C10orf105: variants seen among roughly 807,000 people sequenced by gnomAD.
C10orf105 encodes chromosome 10 open reading frame 105.
C10orf105 carries 2 observed loss-of-function variants against 0.6 expected under a neutral mutation model. The ratio of observed to expected loss-of-function variants is 3.18; its 90% confidence interval spans 1.30 to 10.01. The LOEUF (loss-of-function observed/expected upper bound fraction) is 10.01. Among genes scored for constraint, C10orf105 ranks in the 30% most tolerant of loss-of-function variants. The pLI is 0.04. For missense variants in C10orf105, 209 were observed against 191.4 expected (o/e 1.09, Z -0.54); for synonymous variants, 95 against 82.4 (o/e 1.15, Z -0.83).
chr10:71,712,760 A>G lies in C10orf105; in HGVS notation c.*3176T>C. 1 of 1,613,534 alleles carries G rather than the reference A, an allele frequency of 6.2e-7. No homozygotes were observed. The highest frequency in any genetic ancestry group is 8.5e-7 in the Non-Finnish European group (1 of 1,179,808). ...CAACCGGCCCATCTTTCTGCAGAGC[A>G]GCTATGAGGCCAGCGTCCCTGAGGA... On this transcript the variant is annotated 3_prime_UTR_variant, in exon 2 of 2. Transcript: ENST00000441508.
chr10:71,726,328 G>A (rs920891488), intron 1 of C10orf105, among the ~76,000 whole-genome samples: 3 of 152,098 alleles, frequency 2.0e-5, no homozygotes, highest in East Asian at 3.9e-4. Flanking sequence ...CTGAGTGCCC[G>A]GCTCCTCTTA....
intron 1 of C10orf105, chr10:71,732,294 C>A: frequency 6.2e-7 from 1 of 1,612,460 alleles, no homozygotes; most frequent in Non-Finnish European, 8.5e-7. Flanking sequence ...ACTCCATCGA[C>A]AACCTCAACC....
upstream of C10orf105, chr10:71,724,043 A>G: frequency 1.9e-6 from 3 of 1,557,760 alleles, no homozygotes; most frequent in Non-Finnish European, 2.6e-6. Context: ...ATTCTTCCTC[A>G]GCTGAAAGCC....
At chr10:71,734,960 G>A (rs574692540) in intron 1 of C10orf105, among the ~76,000 whole-genome samples, 1 of 152,346 alleles carries the variant, frequency 6.6e-6, no homozygotes, top group East Asian at 1.9e-4. Context: ...TCCACTCCTC[G>A]ATGGCTGTGT....
Position 71,713,290 on chromosome 10 carries a change from G to C in C10orf105, c.*2646C>G, listed in dbSNP as rs764860341. On this transcript the variant is annotated 3_prime_UTR_variant, in exon 2 of 2. Transcript: ENST00000441508. Reference sequence around the variant, plus strand: ...AGGGAGCAGGCGCAACAGCTCCAAGGCTCAGAGGGAGAGAAGGGAGGACCC... The same window carrying C: ...AGGGAGCAGGCGCAACAGCTCCAAGCCTCAGAGGGAGAGAAGGGAGGACCC... 4 of 779,290 alleles carry C rather than the reference G, an allele frequency of 5.1e-6. No homozygotes were observed. The highest frequency in any genetic ancestry group is 7.2e-6 in the Non-Finnish European group (3 of 417,898). 48.3% of individuals were successfully genotyped at this position (779,290 alleles called of 1,614,324 possible).
chr10:71,726,291 A>G (rs1866806598), intron 1 of C10orf105, among the ~76,000 whole-genome samples: 1 of 152,110 alleles, frequency 6.6e-6, no homozygotes, highest in Admixed American at 6.5e-5. Context: ...AGAGTCAGGC[A>G]GAGCAAGCAG....
intron 1 of C10orf105, chr10:71,731,930 C>A: frequency 1.3e-6 from 2 of 1,547,796 alleles, no homozygotes; most frequent in South Asian, 1.2e-5. Context: ...TGAGAAGCCA[C>A]AGCGCAGCCC....
In C10orf105 at chr10:71,730,614, G is replaced by T; in HGVS notation, c.-6+7114C>A. ...ACAGACCGAGACTCTGGTGAGGCTG[G>T]CAGGAGGAAGCCGGGGATCCCATTG... On this transcript the variant is annotated intron_variant, in intron 1 of 1. Transcript: ENST00000398786. The T allele has an allele frequency of 6.2e-7, 1 of 1,613,546 alleles. No individual in the cohort carries two copies. Among genetic ancestry groups the T allele is most frequent in the Non-Finnish European group, 8.5e-7 (1 of 1,179,878 alleles).
rs1329237748 is a variant in C10orf105 at position 71,712,559 on chromosome 10, G to A, written c.*3377C>T. The A allele has an allele frequency of 9.8e-6, 13 of 1,326,144 alleles. No individual in the cohort carries two copies. The highest frequency in any genetic ancestry group is 4.9e-5 in the East Asian group (2 of 40,704). 82.1% of individuals were successfully genotyped at this position (1,326,144 alleles called of 1,614,324 possible). On this transcript the variant is annotated 3_prime_UTR_variant, in exon 2 of 2. Transcript: ENST00000441508. ...TTGCAAAGGCTAGGGCAGATGGGGC[G>A]GAACAGGGCACCTCTCTGGCCGGTG...
At chr10:71,729,131 G>A (rs2132815350) in intron 1 of C10orf105, among the ~76,000 whole-genome samples, 1 of 152,204 alleles carries the variant, frequency 6.6e-6, no homozygotes, top group African/African-American at 2.4e-5. Flanking sequence ...CACCATGCCT[G>A]GCCTCCATAA....
At chr10:71,733,127 A>G (rs1204721211) in intron 1 of C10orf105, among the ~76,000 whole-genome samples, 2 of 152,222 alleles carry the variant, frequency 1.3e-5, no homozygotes, top group Non-Finnish European at 2.9e-5. Context: ...AATTTGCTAG[A>G]GCAGCTTGCA....
rs1325874577 is a variant in C10orf105 at position 71,731,016 on chromosome 10, C to G, written c.-6+6712G>C. On this transcript the variant is annotated intron_variant, in intron 1 of 1. Coordinates refer to the C10orf105 transcript ENST00000398786. Reference sequence around the variant, plus strand: ...CAGGACCAGCTCAGGGCCTAGCACACGCAGACCCCCTGACCCTGTACAAGG... The same window carrying G: ...CAGGACCAGCTCAGGGCCTAGCACAGGCAGACCCCCTGACCCTGTACAAGG... Among the ~76,000 whole-genome samples the G allele has an allele frequency of 2.0e-5, 3 of 152,236 alleles. No individual in the cohort carries two copies. The East Asian group carries it at 5.8e-4, about 29-fold the overall frequency.
chr10:71,724,112 G>A, upstream of C10orf105: 2 of 1,555,618 alleles, frequency 1.3e-6, no homozygotes, highest in Non-Finnish European at 1.7e-6. Flanking sequence ...CATGGTAAGT[G>A]GGGCTGCCCT....
chr10:71,731,081 G>A (rs940362082), intron 1 of C10orf105, among the ~76,000 whole-genome samples: 1 of 152,234 alleles, frequency 6.6e-6, no homozygotes, highest in African/African-American at 2.4e-5. Context: ...TAGCCTGAAG[G>A]CAGCCTGAAC....
intron 1 of C10orf105, among the ~76,000 whole-genome samples, chr10:71,729,054 C>T (rs1445230634): frequency 1.3e-5 from 2 of 152,042 alleles, no homozygotes; most frequent in African/African-American, 2.4e-5. Context: ...AGGCTGGTCT[C>T]GAATGCCTGG....
chr10:71,712,883 C>T lies in C10orf105; in HGVS notation c.*3053G>A, dbSNP rs1564749532. 12 of 1,548,316 alleles carry T rather than the reference C, an allele frequency of 7.8e-6. No homozygotes were observed. The Admixed American group carries it at 9.3e-5, about 12-fold the overall frequency. Reference sequence around the variant, plus strand: ...GCGGAGCCACACACGGCCCTGAGGGCACATGCTCAGTGGCACCAGAGGCGG... The same window carrying T: ...GCGGAGCCACACACGGCCCTGAGGGTACATGCTCAGTGGCACCAGAGGCGG... On this transcript the variant is annotated 3_prime_UTR_variant, in exon 2 of 2. Coordinates refer to ENST00000441508, the MANE Select transcript of C10orf105 (RefSeq NM_001164375.3).
At position 71,712,760 on chromosome 10, in the gene C10orf105, A is replaced by C. The variant is rs1401389112; in HGVS notation, c.*3176T>G. ...CAACCGGCCCATCTTTCTGCAGAGC[A>C]GCTATGAGGCCAGCGTCCCTGAGGA... On this transcript the variant is annotated 3_prime_UTR_variant, in exon 2 of 2. Coordinates refer to ENST00000441508, the MANE Select transcript of C10orf105 (RefSeq NM_001164375.3). 1.9e-6 allele frequency: 3 copies of C among 1,613,534 alleles called. 1 individual carries two copies. In the South Asian group the frequency reaches 3.3e-5, roughly 18 times the overall value.
rs1164044418 is a variant in C10orf105 at position 71,715,978 on chromosome 10, G to A, written c.360C>T (p.Asp120=). 1.3e-5 allele frequency: 19 copies of A among 1,489,862 alleles called. No individual in the cohort carries two copies. In the East Asian group the frequency reaches 4.7e-4, roughly 37 times the overall value. 92.3% of individuals were successfully genotyped at this position (1,489,862 alleles called of 1,614,324 possible). A position where few individuals can be genotyped will look rare whatever the true frequency, so the allele number is the denominator to read the frequency against. ...CCATGTAGTCACAGTGGCTGCGGTT[G>A]TCCTCGGGGCCCGGCAGGGGCTGTC... ...VPRQPLPGPE[D]NRSHCDYMES... The change falls in exon 2 of 2, where the codon GAC becomes GAT. Residue 120 remains aspartate (D), a synonymous_variant. Transcript: ENST00000441508.
chr10:71,732,424 T>C, intron 1 of C10orf105: 1 of 1,549,512 alleles, frequency 6.5e-7, no homozygotes, highest in Non-Finnish European at 8.7e-7. Flanking sequence ...CTAACCAACA[T>C]TGGTTGAGCT....
Sources: allele counts gnomAD v4.1 joint callset (sites outside exome capture counted in the v4.1 genomes callset), GRCh38; gene constraint gnomAD v4.1.1; transcripts MANE v1.5; gene names NCBI Gene and HGNC (gene_info 2026-07-23, HGNC 2026-07-21).